OPCML: variants seen among roughly 807,000 people sequenced by gnomAD.
The protein encoded by OPCML is opioid binding protein/cell adhesion molecule like.
A neutral mutation model predicts 37.8 loss-of-function variants in OPCML; 13 were observed. That is an observed-to-expected ratio of 0.34 (90% confidence interval 0.22 to 0.55). The LOEUF (loss-of-function observed/expected upper bound fraction) is 0.55. OPCML is among the 20% of genes least tolerant of loss of function. OPCML has a pLI of 0.91. For synonymous variants in OPCML, 176 were observed against 168.8 expected, an observed-to-expected ratio of 1.04 and a Z score of -0.33; for missense variants, 341 against 435.6, an observed-to-expected ratio of 0.78 and a Z score of 1.93.
chr11:133,036,826 G>A (rs1387958181), intron 1 of OPCML, among the ~76,000 whole-genome samples: 1 of 152,182 alleles, frequency 6.6e-6, no homozygotes, highest in Non-Finnish European at 1.5e-5. Flanking sequence ...AGGGCAGCCT[G>A]GTTTATTGGC....
intron 2 of OPCML, among the ~76,000 whole-genome samples, chr11:132,781,157 G>C (rs115912006): frequency 6.6e-6 from 1 of 152,032 alleles, no homozygotes; most frequent in South Asian, 2.1e-4. Flanking sequence ...AGGCCACAGC[G>C]TGCCCAGACA....
At chr11:132,977,995 A>C (rs1263427373) in intron 1 of OPCML, among the ~76,000 whole-genome samples, 1 of 152,170 alleles carries the variant, frequency 6.6e-6, no homozygotes, top group East Asian at 1.9e-4. Flanking sequence ...AAAATGTAAG[A>C]GCTGCTGAAA....
chr11:132,666,851 C>T (rs1942248668), intron 2 of OPCML, among the ~76,000 whole-genome samples: 1 of 152,144 alleles, frequency 6.6e-6, no homozygotes, highest in South Asian at 2.1e-4. Flanking sequence ...GGTAAAATGT[C>T]TGCATAGGTT....
chr11:132,582,059 G>A (rs554986086), intron 3 of OPCML, among the ~76,000 whole-genome samples: 11 of 151,576 alleles, frequency 7.3e-5, no homozygotes, highest in African/African-American at 2.4e-4. Flanking sequence ...ATCTTAGCAT[G>A]AGCAATAACA....
At chr11:133,243,612 A>G (rs1170467235) in intron 1 of OPCML, among the ~76,000 whole-genome samples, 1 of 152,200 alleles carries the variant, frequency 6.6e-6, no homozygotes, top group Non-Finnish European at 1.5e-5. Context: ...CTCTGGAAAG[A>G]CAGAGAAGCC....
At chr11:132,720,322 C>T (rs1406629792) in intron 2 of OPCML, among the ~76,000 whole-genome samples, 3 of 152,202 alleles carry the variant, frequency 2.0e-5, no homozygotes, top group Non-Finnish European at 4.4e-5. Flanking sequence ...TCTCCCAAGT[C>T]GTTGTGGGCT....
chr11:133,184,609 C>G (rs535366472), intron 1 of OPCML, among the ~76,000 whole-genome samples: 1 of 152,242 alleles, frequency 6.6e-6, no homozygotes, highest in South Asian at 2.1e-4. Flanking sequence ...ATTGGCAGAT[C>G]TATAAAACCC....
intron 1 of OPCML, among the ~76,000 whole-genome samples, chr11:133,452,992 T>G (rs1195895045): frequency 3.4e-5 from 5 of 148,360 alleles, no homozygotes; most frequent in South Asian, 2.1e-4. Context: ...GAAACATAGT[T>G]TCAGGTCCAG....
intron 2 of OPCML, among the ~76,000 whole-genome samples, chr11:132,716,662 T>G (rs914733198): frequency 6.6e-6 from 1 of 152,166 alleles, no homozygotes; most frequent in Non-Finnish European, 1.5e-5. Context: ...TAATACATAG[T>G]TTTTACAACA....
chr11:133,426,925 T>G (rs1056439580), intron 1 of OPCML, among the ~76,000 whole-genome samples: 3 of 152,198 alleles, frequency 2.0e-5, no homozygotes, highest in Non-Finnish European at 2.9e-5. Context: ...GTATATCTGT[T>G]AATGAATAGG....
At chr11:132,545,446 TC>T (rs1259767878) in intron 3 of OPCML, among the ~76,000 whole-genome samples, 3 of 152,196 alleles carry the variant, frequency 2.0e-5, no homozygotes, top group Non-Finnish European at 4.4e-5. Flanking sequence ...TACTCAGCCT[TC>T]CCCACAATTC....
At chr11:133,007,788 C>G in intron 1 of OPCML, 3 of 985,432 alleles carry the variant, frequency 3.0e-6, no homozygotes, top group Non-Finnish European at 3.6e-6. Flanking sequence ...ATAGTTAGCA[C>G]ATGTATCATA....
intron 2 of OPCML, among the ~76,000 whole-genome samples, chr11:132,675,983 C>A (rs1346667426): frequency 6.6e-6 from 1 of 152,116 alleles, no homozygotes; most frequent in Non-Finnish European, 1.5e-5. Context: ...AGAACAGCCA[C>A]ACAATCTTGT....
intron 1 of OPCML, among the ~76,000 whole-genome samples, chr11:133,107,604 G>A (rs1477469754): frequency 6.6e-6 from 1 of 152,112 alleles, no homozygotes; most frequent in Non-Finnish European, 1.5e-5. Context: ...CTTCATTGTT[G>A]CCATTCACCT....
chr11:133,516,429 A>T (rs1948273684), intron 1 of OPCML, among the ~76,000 whole-genome samples: 1 of 151,968 alleles, frequency 6.6e-6, no homozygotes, highest in African/African-American at 2.4e-5. Flanking sequence ...ACACACTCAC[A>T]CCACCGCCGC....
intron 4 of OPCML, among the ~76,000 whole-genome samples, chr11:132,464,802 C>T (rs551436151): frequency 1.3e-5 from 2 of 151,892 alleles, no homozygotes; most frequent in Non-Finnish European, 2.9e-5. Flanking sequence ...GAGTAAACTC[C>T]CTGATAAAAG....
chr11:132,902,591 G>C (rs901654812), intron 2 of OPCML, among the ~76,000 whole-genome samples: 3 of 152,098 alleles, frequency 2.0e-5, no homozygotes, highest in South Asian at 4.2e-4. Flanking sequence ...GCTTGTTGGG[G>C]CTCAGAAAAT....
At chr11:132,528,386 T>G (rs2137288529) in intron 4 of OPCML, among the ~76,000 whole-genome samples, 1 of 152,300 alleles carries the variant, frequency 6.6e-6, no homozygotes, top group East Asian at 1.9e-4. Context: ...ACAGTGTAAA[T>G]ATTTCAAGTG....
intron 1 of OPCML, among the ~76,000 whole-genome samples, chr11:133,101,998 G>A (rs1359524055): frequency 1.3e-5 from 2 of 152,166 alleles, no homozygotes; most frequent in Non-Finnish European, 2.9e-5. Flanking sequence ...CCAACAATAT[G>A]ACATTATGCA....
Sources: allele counts gnomAD v4.1 joint callset (sites outside exome capture counted in the v4.1 genomes callset), GRCh38; gene constraint gnomAD v4.1.1; transcripts MANE v1.5; gene names NCBI Gene and HGNC (gene_info 2026-07-23, HGNC 2026-07-21).